PRKCE: variants seen among roughly 807,000 people sequenced by gnomAD.
The protein encoded by PRKCE is protein kinase C epsilon, also known as protein kinase C epsilon type.
In PRKCE, 16 loss-of-function variants were observed where a neutral mutation model predicts 85.4. The observed-to-expected ratio is 0.19, with a 90% CI of 0.13 to 0.28. The LOEUF (loss-of-function observed/expected upper bound fraction) is 0.28, where lower values mean the gene tolerates loss of function less well. Among genes scored for constraint, PRKCE ranks in the 10% least tolerant of loss-of-function variants. The pLI is 1.00. For missense variants in PRKCE, 573 were observed against 975.2 expected, an observed-to-expected ratio of 0.59 and a Z score of 5.49; for synonymous variants, 388 against 371.5, an observed-to-expected ratio of 1.04 and a Z score of -0.51.
At chr2:45,984,817 C>G (rs1024624588) in intron 6 of PRKCE, 137 bp downstream of exon 6, 5 of 1,242,638 alleles carry the variant, frequency 4.0e-6, no homozygotes, top group Non-Finnish European at 5.5e-6. Flanking sequence ...GTTAATCCTG[C>G]ATTAGTAACT....
chr2:45,896,013 G>A (rs527642917), intron 2 of PRKCE, among the ~76,000 whole-genome samples: 4 of 152,334 alleles, frequency 2.6e-5, no homozygotes, highest in South Asian at 4.1e-4. Context: ...TCCTGGATGC[G>A]CAGGAGTGGG....
intron 14 of PRKCE, among the ~76,000 whole-genome samples, chr2:46,161,148 C>A (rs910844163): frequency 6.6e-6 from 1 of 152,248 alleles, no homozygotes; most frequent in African/African-American, 2.4e-5. Context: ...CCTGGGTTAA[C>A]TGTCCCCTGC....
intron 1 of PRKCE, among the ~76,000 whole-genome samples, chr2:45,803,612 A>G (rs1208764226): frequency 2.0e-5 from 3 of 152,180 alleles, no homozygotes; most frequent in East Asian, 3.8e-4. Flanking sequence ...TTTGGTCCCC[A>G]GCTGTAGGTT....
intron 14 of PRKCE, among the ~76,000 whole-genome samples, chr2:46,171,558 C>A (rs1678902384): frequency 6.6e-6 from 1 of 152,176 alleles, no homozygotes; most frequent in Non-Finnish European, 1.5e-5. Flanking sequence ...GGGGTCAGAA[C>A]AAGCTGATTC....
intron 1 of PRKCE, among the ~76,000 whole-genome samples, chr2:45,699,816 G>T (rs1029719183): frequency 6.6e-6 from 1 of 152,188 alleles, no homozygotes; most frequent in African/African-American, 2.4e-5. Context: ...GATGCGGGAG[G>T]TGTGATTCTC....
intron 2 of PRKCE, among the ~76,000 whole-genome samples, chr2:45,951,949 C>T (rs1343968792): frequency 6.6e-6 from 1 of 152,238 alleles, no homozygotes; most frequent in Non-Finnish European, 1.5e-5. Flanking sequence ...TCTCATGCCT[C>T]AGCCTCCTGA....
At chr2:45,798,205 T>G (rs1034057247) in intron 1 of PRKCE, among the ~76,000 whole-genome samples, 2 of 152,148 alleles carry the variant, frequency 1.3e-5, no homozygotes, top group Admixed American at 6.5e-5. Context: ...TAAACCAGAT[T>G]GTAAAAGGCA....
At chr2:45,881,152 C>CAAA (rs770824515) in intron 2 of PRKCE, among the ~76,000 whole-genome samples, 2,130 of 91,320 alleles carry the variant, frequency 0.023, 67 homozygotes, top group African/African-American at 0.061. Context: ...GACTCCGTCT[C>CAAA]AAAAAAAAAA....
intron 2 of PRKCE, among the ~76,000 whole-genome samples, chr2:45,912,153 A>T (rs1257503122): frequency 6.6e-6 from 1 of 152,130 alleles, no homozygotes; most frequent in Non-Finnish European, 1.5e-5. Flanking sequence ...AATACCAGGA[A>T]CGATGGCAAC....
At chr2:46,140,139 T>C (rs540762894) in intron 11 of PRKCE, among the ~76,000 whole-genome samples, 2 of 152,336 alleles carry the variant, frequency 1.3e-5, no homozygotes, top group African/African-American at 4.8e-5. Flanking sequence ...TAAGTTAATT[T>C]ATAACTTTAA....
intron 10 of PRKCE, among the ~76,000 whole-genome samples, chr2:46,033,236 C>T (rs1707649582): frequency 6.6e-6 from 1 of 152,228 alleles, no homozygotes; most frequent in South Asian, 2.1e-4. Flanking sequence ...CACGTCAACA[C>T]ATCATCATTT....
At chr2:46,128,308 G>A (rs985663819) in intron 11 of PRKCE, among the ~76,000 whole-genome samples, 2 of 152,114 alleles carry the variant, frequency 1.3e-5, no homozygotes, top group African/African-American at 4.8e-5. Context: ...ATGAACTCAT[G>A]GTTTAAATGG....
intron 10 of PRKCE, among the ~76,000 whole-genome samples, chr2:46,047,081 A>G (rs1254937479): frequency 1.3e-5 from 2 of 152,156 alleles, no homozygotes; most frequent in Admixed American, 6.5e-5. Flanking sequence ...TATTCGAGAA[A>G]TGATTGAGGC....
intron 2 of PRKCE, among the ~76,000 whole-genome samples, chr2:45,878,703 G>A (rs970029498): frequency 1.3e-5 from 2 of 152,166 alleles, no homozygotes; most frequent in African/African-American, 2.4e-5. Flanking sequence ...CATTGCCAGA[G>A]CTAGAGTTCT....
At chr2:46,094,827 T>TTCAC (rs1024702770) in intron 11 of PRKCE, among the ~76,000 whole-genome samples, 6 of 152,266 alleles carry the variant, frequency 3.9e-5, no homozygotes, top group Non-Finnish European at 5.9e-5. Flanking sequence ...AAAAAGCATT[T>TTCAC]TCACTCAATT....
intron 2 of PRKCE, among the ~76,000 whole-genome samples, chr2:45,936,661 C>T (rs569677151): frequency 6.6e-5 from 10 of 152,236 alleles, no homozygotes; most frequent in African/African-American, 1.7e-4. Context: ...CAGCCTGCAG[C>T]CCCTGCAGCC....
At chr2:45,768,540 G>A (rs866072533) in intron 1 of PRKCE, among the ~76,000 whole-genome samples, 1 of 152,302 alleles carries the variant, frequency 6.6e-6, no homozygotes, top group Middle Eastern at 3.4e-3. Flanking sequence ...CAGGGGGCTC[G>A]ATGGGTAGGG....
chr2:46,152,611 T>C (rs1433020582), intron 13 of PRKCE, among the ~76,000 whole-genome samples: 1 of 151,492 alleles, frequency 6.6e-6, no homozygotes, highest in Admixed American at 6.6e-5. Context: ...TGCAGTGGCG[T>C]GATCTCGGCT....
At chr2:45,698,848 G>C (rs1678372393) in intron 1 of PRKCE, among the ~76,000 whole-genome samples, 1 of 152,102 alleles carries the variant, frequency 6.6e-6, no homozygotes, top group Admixed American at 6.5e-5. Context: ...GAGTAGAACA[G>C]ACTTTTGATA....
Sources: gnomAD v4.1 joint callset for allele counts (sites outside exome capture counted in the v4.1 genomes callset) on GRCh38, gnomAD v4.1.1 for gene constraint, MANE v1.5 for transcripts, NCBI Gene and HGNC (gene_info 2026-07-23, HGNC 2026-07-21) for gene names.